The following TECR variants were observed in gnomAD, a reference collection of about 807,000 sequenced individuals.
TECR encodes very-long-chain enoyl-CoA reductase.
A neutral mutation model predicts 50.6 loss-of-function variants in TECR; 19 were observed. That is an observed-to-expected ratio of 0.38 (90% CI 0.26 to 0.55). The LOEUF (loss-of-function observed/expected upper bound fraction) is 0.55, where lower values mean the gene tolerates loss of function less well. Among genes scored for constraint, TECR ranks in the 20% least tolerant of loss-of-function variants. The pLI is 0.79. For synonymous variants in TECR, 168 were observed against 163.5 expected (o/e 1.03, Z -0.21); for missense variants, 313 against 408.3 (o/e 0.77, Z 2.01).
chr19:14,551,053 T>C (rs1417584842), intron 1 of TECR, among the ~76,000 whole-genome samples: 1 of 151,998 alleles, frequency 6.6e-6, no homozygotes, highest in East Asian at 1.9e-4. Flanking sequence ...AGATCCTTAA[T>C]TATATCTGCA....
At chr19:14,542,523 G>A (rs543052913) in intron 1 of TECR, among the ~76,000 whole-genome samples, 2 of 151,240 alleles carry the variant, frequency 1.3e-5, no homozygotes, top group Admixed American at 6.6e-5. Flanking sequence ...CACCACTCCC[G>A]GCTAATTTTT....
chr19:14,543,639 C>G (rs546494689), intron 1 of TECR, among the ~76,000 whole-genome samples: 1 of 149,546 alleles, frequency 6.7e-6, no homozygotes, highest in Non-Finnish European at 1.5e-5. Flanking sequence ...GGGGTTTCAC[C>G]GTGTTAGCCA....
chr19:14,565,121 C>A lies in TECR; in HGVS notation c.662C>A (p.Ala221Asp), dbSNP rs369073436. 2 of 1,613,662 alleles carry A rather than the reference C, an allele frequency of 1.2e-6. No homozygotes were observed. The highest frequency in any genetic ancestry group is 1.7e-6 in the Non-Finnish European group (2 of 1,180,030). Reference sequence around the variant, plus strand: ...ATGGCCCTGCGGGACCTGCGGCCCGCTGGTGAGTGCCTGCTGGGGGCAGGG... The same window carrying A: ...ATGGCCCTGCGGGACCTGCGGCCCGATGGTGAGTGCCTGCTGGGGGCAGGG... The part of the protein sequence containing the change: ...IHMALRDLRP[A>D]GSKTRKIPYP... Residue 221 changes from alanine (A) to aspartate (D), a missense_variant and splice_region_variant, in exon 10 of 13, where the codon GCT becomes GAT. Physicochemically the swap from Ala to Asp is moderately radical, Grantham distance 126. Transcript: ENST00000215567.
chr19:14,560,332 C>G (rs1004244918), intron 1 of TECR, among the ~76,000 whole-genome samples: 1 of 152,138 alleles, frequency 6.6e-6, no homozygotes, highest in Non-Finnish European at 1.5e-5. Context: ...GGCCTTCTCT[C>G]CCTGTGGACG....
chr19:14,540,022 G>A lies in TECR; in HGVS notation c.15+10311G>A, dbSNP rs536747817. 2.0e-5 allele frequency among the ~76,000 whole-genome samples: 3 copies of A among 151,450 alleles called. No individual in the cohort carries two copies. In the South Asian group the frequency reaches 6.3e-4, roughly 32 times the overall value. On this transcript the variant is annotated intron_variant, in intron 1 of 12. Transcript: ENST00000215567. ...AGCCTCCTGAGTAGCTGGGATTACA[G>A]GTACCCGCCACCATGCCTGGCTAAT...
intron 1 of TECR, among the ~76,000 whole-genome samples, chr19:14,546,609 G>A (rs959773315): frequency 2.6e-5 from 4 of 152,182 alleles, no homozygotes; most frequent in Admixed American, 6.6e-5. Flanking sequence ...CTGGCTGCAT[G>A]CACTACCGTG....
intron 1 of TECR, among the ~76,000 whole-genome samples, chr19:14,552,514 A>G (rs2073564510): frequency 6.6e-6 from 1 of 150,928 alleles, no homozygotes; most frequent in East Asian, 2.0e-4. Flanking sequence ...CGTAACAGGC[A>G]TCACAGTCTT....
rs1188461250 is a variant in TECR at position 14,565,633 on chromosome 19, G to T, written c.769G>T (p.Gly257Cys). ...NYTYEVGSWI[G>C]FAIMTQCLPV... Reference sequence around the variant, plus strand: ...CTGCCCACAGGTGGGGTCCTGGATCGGTTTCGCCATCATGACGCAGTGTCT... The same window carrying T: ...CTGCCCACAGGTGGGGTCCTGGATCTGTTTCGCCATCATGACGCAGTGTCT... The change falls in exon 12 of 13, where the codon GGT becomes TGT. Residue 257 changes from glycine (G) to cysteine (C), a missense_variant. By Grantham distance (159) the Gly-to-Cys change is radical (BLOSUM62 -3). Coordinates refer to ENST00000215567, the MANE Select transcript of TECR (RefSeq NM_138501.6). 3 of 1,612,164 alleles carry T rather than the reference G, an allele frequency of 1.9e-6. No individual in the cohort carries two copies. The highest frequency in any genetic ancestry group is 2.5e-6 in the Non-Finnish European group (3 of 1,179,712).
chr19:14,564,250 T>G lies in TECR; in HGVS notation c.452T>G (p.Phe151Cys), dbSNP rs770440447. 3 of 1,606,986 alleles carry G rather than the reference T, an allele frequency of 1.9e-6. No individual in the cohort carries two copies. The highest frequency in any genetic ancestry group is 2.5e-6 in the Non-Finnish European group (3 of 1,179,786). The change falls in exon 7 of 13, where the codon TTC becomes TGC. Residue 151 changes from phenylalanine to cysteine, a missense_variant. Physicochemically the swap from Phe to Cys is radical, Grantham distance 205. Transcript: ENST00000215567. ...CTGGAGACGCTCTTCGTGCACCGCT[T>G]CTCCCATGGCACTATGCCTTTGCGC... is the stretch of plus-strand genomic sequence containing the variant. Reference protein sequence around the residue: ...RLLETLFVHRFSHGTMPLRNI... With the variant: ...RLLETLFVHRCSHGTMPLRNI...
intron 1 of TECR, among the ~76,000 whole-genome samples, chr19:14,539,657 A>G (rs543681366): frequency 6.6e-6 from 1 of 152,038 alleles, no homozygotes; most frequent in African/African-American, 2.4e-5. Context: ...CAGATACCCA[A>G]AACCACGTTC....
rs764103765 is a variant in TECR, at chr19:14,565,729, C to T, written c.800-15C>T. The T allele has an allele frequency of 4.3e-6, 7 of 1,612,412 alleles. No homozygotes were observed. In the South Asian group the frequency reaches 6.6e-5, roughly 15 times the overall value. On this transcript the variant is annotated splice_polypyrimidine_tract_variant and intron_variant, in intron 12 of 12. Transcript: ENST00000215567. ...GGGCCGGCAGCCCCTCCCTGACGCC[C>T]GTTCTTTCCTGCAGTGGCCCTGTTC...
chr19:14,565,444 C>T (rs12975731), intron 11 of TECR, among the ~76,000 whole-genome samples, 154 bp downstream of exon 11: 1 of 152,284 alleles, frequency 6.6e-6, no homozygotes, highest in South Asian at 2.1e-4. Flanking sequence ...GCTGTGGTGG[C>T]GGGGAGGCGT....
intron 1 of TECR, among the ~76,000 whole-genome samples, chr19:14,538,000 C>T (rs551362695): frequency 6.6e-6 from 1 of 152,182 alleles, no homozygotes; most frequent in African/African-American, 2.4e-5. Context: ...CCCAACTTGG[C>T]CTCCCAAAGT....
rs1555738086 is a variant in TECR, at chr19:14,562,647, G to A, written c.66+72G>A. On this transcript the variant is annotated intron_variant, in intron 2 of 12. Coordinates refer to ENST00000215567, the MANE Select transcript of TECR (RefSeq NM_138501.6). Reference sequence around the variant, plus strand: ...GGACCCCAATCCTTATAGCCCAGGAGCTGTCCAGTGGGGCCCTTTGTGCCC... The same window carrying A: ...GGACCCCAATCCTTATAGCCCAGGAACTGTCCAGTGGGGCCCTTTGTGCCC... The A allele has an allele frequency of 7.7e-6, 12 of 1,566,234 alleles. No individual in the cohort carries two copies. The South Asian group carries it at 1.2e-4, about 16-fold the overall frequency.
At position 14,550,787 on chromosome 19, in the gene TECR, T is replaced by A. The variant is rs2073472747; in HGVS notation, c.16-11738T>A. On this transcript the variant is annotated intron_variant, in intron 1 of 12. Coordinates refer to ENST00000215567, the MANE Select transcript of TECR (RefSeq NM_138501.6). The stretch of plus-strand genomic sequence containing the variant: ...CCTTCACCTCCTGGGTTCATGCGAT[T>A]CTCCTGTCTCAGCCTCCCCCGTAGC... Among the ~76,000 whole-genome samples, 3 of 152,038 alleles carry A rather than the reference T, an allele frequency of 2.0e-5. No homozygotes were observed. In the South Asian group the frequency reaches 6.3e-4, roughly 32 times the overall value.
intron 1 of TECR, 64 bp from the exon 2 acceptor site, chr19:14,562,461 G>A: frequency 6.2e-7 from 1 of 1,601,420 alleles, no homozygotes; most frequent in Non-Finnish European, 8.6e-7. Flanking sequence ...GCCTCAATGG[G>A]CTCCCCAGGC....
Position 14,557,114 on chromosome 19 carries a change from C to CGTA in TECR, c.16-5411_16-5410insGTA, listed in dbSNP as rs1555736113. On this transcript the variant is annotated intron_variant, in intron 1 of 12. Coordinates refer to ENST00000215567, the MANE Select transcript of TECR (RefSeq NM_138501.6). ...GCTGTTCTGCTAGTGTTGGTCTAAT[C>CGTA]TTATTTATTTATTTATTTATTTATT... 2.8e-3 allele frequency among the ~76,000 whole-genome samples: 390 copies of CGTA among 140,450 alleles called. 4 individuals are homozygous for CGTA. The highest frequency in any genetic ancestry group is 9.9e-3 in the African/African-American group (376 of 37,814). The allele number at this position is 140,450 out of a possible 152,430, so 92.1% of individuals were successfully genotyped here.
At position 14,565,684 on chromosome 19, in the gene TECR, C is replaced by T. The variant is rs781552970; in HGVS notation, c.799+21C>T. 5 of 1,611,580 alleles carry T rather than the reference C, an allele frequency of 3.1e-6. No individual in the cohort carries two copies. The African/African-American group carries it at 5.3e-5, about 17-fold the overall frequency. ...CCCAGGTGAGCCTGCCGCCCTCCCT[C>T]GGCGGGGCCCTGCCCCTCCGGGCCG... is the stretch of plus-strand genomic sequence containing the variant. On this transcript the variant is annotated intron_variant, in intron 12 of 12. Coordinates refer to ENST00000215567, the MANE Select transcript of TECR (RefSeq NM_138501.6).
chr19:14,532,971 A>G lies in TECR; in HGVS notation c.15+3260A>G, dbSNP rs1386180703. Among the ~76,000 whole-genome samples, 8 of 151,798 alleles carry G rather than the reference A, an allele frequency of 5.3e-5. No individual in the cohort carries two copies. The South Asian group carries it at 1.5e-3, about 28-fold the overall frequency. Reference sequence around the variant, plus strand: ...CTAAAAACAAAAAAATTAGCTGGGTATGGTGGCACGTGCTTGTAGTCCCAG... The same window carrying G: ...CTAAAAACAAAAAAATTAGCTGGGTGTGGTGGCACGTGCTTGTAGTCCCAG... On this transcript the variant is annotated intron_variant, in intron 1 of 12. Coordinates refer to ENST00000215567, the MANE Select transcript of TECR (RefSeq NM_138501.6).
Sources: allele counts gnomAD v4.1 joint callset (sites outside exome capture counted in the v4.1 genomes callset), GRCh38; gene constraint gnomAD v4.1.1; transcripts MANE v1.5; gene names NCBI Gene and HGNC (gene_info 2026-07-23, HGNC 2026-07-21).